Variants in AGGF1 observed in about 807,000 individuals in gnomAD.
The protein encoded by AGGF1 is angiogenic factor with G patch and FHA domains 1.
In AGGF1, 56 loss-of-function variants were observed where a neutral mutation model predicts 86.5. That is an observed-to-expected ratio of 0.65 (90% CI 0.52 to 0.81). AGGF1 has a LOEUF of 0.81. AGGF1 is among the 30% of genes least tolerant of loss of function. AGGF1 has a pLI of 0.00. For missense variants in AGGF1, 816 were observed against 850.9 expected (o/e 0.96, Z 0.51); for synonymous variants, 313 against 297.1 (o/e 1.05, Z -0.55).
chr5:77,057,566 C>T (rs955300458), intron 11 of AGGF1, among the ~76,000 whole-genome samples: 13 of 152,122 alleles, frequency 8.5e-5, no homozygotes, highest in South Asian at 4.1e-4. Flanking sequence ...GTCTGTGAGA[C>T]GGAACACACT....
intron 11 of AGGF1, among the ~76,000 whole-genome samples, chr5:77,058,444 G>A (rs932855899): frequency 6.6e-6 from 1 of 152,098 alleles, no homozygotes; most frequent in Non-Finnish European, 1.5e-5. Context: ...CTGTCAAATT[G>A]TATCTTTCGT....
At chr5:77,035,472 T>C (rs950674468) in intron 2 of AGGF1, 69 bp from the exon 3 acceptor site, 30 of 1,192,492 alleles carry the variant, frequency 2.5e-5, no homozygotes, top group Admixed American at 8.4e-5. Flanking sequence ...TGCCAGTGTT[T>C]TGTAGTTAAG....
intron 3 of AGGF1, 115 bp from the exon 4 acceptor site, chr5:77,036,441 C>A: frequency 9.4e-7 from 1 of 1,065,104 alleles, no homozygotes; most frequent in Non-Finnish European, 1.4e-6. Context: ...CATGCTTTTC[C>A]TTTGTAGAAA....
intron 5 of AGGF1, among the ~76,000 whole-genome samples, chr5:77,044,437 A>G (rs987526205): frequency 1.3e-5 from 2 of 152,176 alleles, no homozygotes; most frequent in Admixed American, 6.5e-5. Flanking sequence ...CACTTTTTGT[A>G]GGTGAAGGTT....
At chr5:77,048,895 T>G in intron 7 of AGGF1, 41 bp from the exon 8 acceptor site, 1 of 1,577,046 alleles carries the variant, frequency 6.3e-7, no homozygotes, top group South Asian at 1.1e-5. Context: ...TTATATAATA[T>G]GCTTCAAAAA....
At chr5:77,031,089 TA>T (rs894661109) in intron 1 of AGGF1, 113 bp downstream of exon 1, 1 of 1,122,954 alleles carries the variant, frequency 8.9e-7, no homozygotes, top group East Asian at 2.4e-5. Context: ...GTAGAGTACT[TA>T]AAGTAAATAA....
intron 5 of AGGF1, 132 bp downstream of exon 5, chr5:77,039,851 GT>G: frequency 1.3e-6 from 1 of 742,288 alleles, no homozygotes; most frequent in Non-Finnish European, 2.2e-6. Flanking sequence ...ACCTAGGAAA[GT>G]TTAGATGGAG....
intron 1 of AGGF1, among the ~76,000 whole-genome samples, chr5:77,033,547 T>C (rs1746910344): frequency 6.6e-6 from 1 of 152,220 alleles, no homozygotes; most frequent in African/African-American, 2.4e-5. Flanking sequence ...CGATGAACTC[T>C]GTACTTGCAT....
At position 77,059,659 on chromosome 5, in the gene AGGF1, A is replaced by G; in HGVS notation, c.1760A>G (p.Tyr587Cys). The G allele has an allele frequency of 7.4e-6, 12 of 1,612,922 alleles. No homozygotes were observed. Among genetic ancestry groups the G allele is most frequent in the Non-Finnish European group, 1.0e-5 (12 of 1,179,020 alleles). Residue 587 changes from tyrosine to cysteine, a missense_variant, in exon 12 of 14, where the codon TAT becomes TGT. Transcript: ENST00000312916. ...EDEKTLKNPK[Y>C]KDRAGKRREQ... is the part of the protein sequence containing the mutation. ...GAAAAGACATTGAAGAATCCAAAATATAAAGATAGAGCTGGAAAACGTAGG... is the reference window on the plus strand; with the variant it reads ...GAAAAGACATTGAAGAATCCAAAATGTAAAGATAGAGCTGGAAAACGTAGG...
At chr5:77,043,579 G>A (rs1747178770) in intron 5 of AGGF1, among the ~76,000 whole-genome samples, 2 of 119,116 alleles carry the variant, frequency 1.7e-5, no homozygotes, top group Non-Finnish European at 3.8e-5. Flanking sequence ...TGGCCAGGCG[G>A]GGGGCTGACC....
chr5:77,054,147 A>G lies in AGGF1; in HGVS notation c.1633+17A>G, dbSNP rs1354906968. On this transcript the variant is annotated intron_variant, in intron 10 of 13. Coordinates refer to ENST00000312916, the MANE Select transcript of AGGF1 (RefSeq NM_018046.5). ...AATCTTTTGGTATGTGAAACAGATT[A>G]AATGTGGCTGTGATAACATTTCTCT... 3.1e-6 allele frequency: 5 copies of G among 1,614,078 alleles called. No homozygotes were observed. The highest frequency in any genetic ancestry group is 4.2e-6 in the Non-Finnish European group (5 of 1,179,932).
intron 5 of AGGF1, among the ~76,000 whole-genome samples, chr5:77,044,871 T>G (rs924941071): frequency 6.6e-6 from 1 of 152,168 alleles, no homozygotes; most frequent in African/African-American, 2.4e-5. Context: ...GAGACCAGTC[T>G]GGCCAACATG....
chr5:77,048,118 C>A, intron 6 of AGGF1, 43 bp from the exon 7 acceptor site: 2 of 1,281,714 alleles, frequency 1.6e-6, no homozygotes, highest in Non-Finnish European at 1.1e-6. Flanking sequence ...AGTTCTTTTT[C>A]ATAGTAGTTA....
At chr5:77,060,133 C>T (rs1268853805) in intron 12 of AGGF1, among the ~76,000 whole-genome samples, 1 of 152,202 alleles carries the variant, frequency 6.6e-6, no homozygotes, top group Non-Finnish European at 1.5e-5. Context: ...TGAGCTACCA[C>T]GTCTGGCCAA....
chr5:77,037,454 AT>A (rs1746987316), intron 4 of AGGF1, among the ~76,000 whole-genome samples: 2 of 152,194 alleles, frequency 1.3e-5, no homozygotes, highest in African/African-American at 4.8e-5. Flanking sequence ...AGTGTTTTAT[AT>A]CCTGTGCCTT....
At chr5:77,059,554 G>A in intron 11 of AGGF1, 62 bp from the exon 12 acceptor site, 2 of 1,436,318 alleles carry the variant, frequency 1.4e-6, no homozygotes, top group South Asian at 1.2e-5. Context: ...TAAGGCACAT[G>A]TACAGAAATT....
rs762110428 is a variant in AGGF1 at position 77,046,379 on chromosome 5, T to C, written c.903T>C (p.Ser301=). The change falls in exon 6 of 14, where the codon AGT becomes AGC. Residue 301 remains serine (S), a synonymous_variant. Coordinates refer to ENST00000312916, the MANE Select transcript of AGGF1 (RefSeq NM_018046.5). ...DLNSEDQKAF[S]VEHTSCNEEE... is the part of the protein sequence containing the mutation. ...ACTCAGAGGATCAAAAAGCCTTCAG[T>C]GTTGAACATACAAGCTGCAATGAGG... is the stretch of plus-strand genomic sequence containing the variant. 6.2e-7 allele frequency: 1 copy of C among 1,613,870 alleles called. No homozygotes were observed. The highest frequency in any genetic ancestry group is 2.2e-5 in the East Asian group (1 of 44,866).
At position 77,052,603 on chromosome 5, in the gene AGGF1, T is replaced by A. The variant is rs1229513128; in HGVS notation, c.1366-103T>A. The A allele has an allele frequency of 6.4e-6, 5 of 776,174 alleles. No individual in the cohort carries two copies. In the African/African-American group the frequency reaches 8.8e-5, roughly 14 times the overall value. 48.1% of individuals were successfully genotyped at this position (776,174 alleles called of 1,614,324 possible). ...AAAAAAGTATTAAGTATAATAAAATTTAAATTATCAAAGGCTCAAGTTAAC... is the reference window on the plus strand; with the variant it reads ...AAAAAAGTATTAAGTATAATAAAATATAAATTATCAAAGGCTCAAGTTAAC... On this transcript the variant is annotated intron_variant, in intron 8 of 13. Transcript: ENST00000312916.
chr5:77,041,797 A>T (rs373744693), intron 5 of AGGF1, among the ~76,000 whole-genome samples: 67,170 of 124,774 alleles, frequency 0.54, 18,045 homozygotes, highest in Non-Finnish European at 0.59. Flanking sequence ...TTATTTATTT[A>T]TTTATTTATT....
Sources: gnomAD v4.1 joint callset for allele counts (sites outside exome capture counted in the v4.1 genomes callset) on GRCh38, gnomAD v4.1.1 for gene constraint, MANE v1.5 for transcripts, NCBI Gene and HGNC (gene_info 2026-07-23, HGNC 2026-07-21) for gene names.